Variants in MRPL15 observed in about 807,000 individuals in gnomAD.
MRPL15 encodes the protein mitochondrial ribosomal protein L15, also known as large ribosomal subunit protein uL15m.
A neutral mutation model predicts 28.0 loss-of-function variants in MRPL15; 24 were observed. The observed-to-expected ratio is 0.86, with a 90% CI of 0.62 to 1.21. The LOEUF (loss-of-function observed/expected upper bound fraction) is 1.21, where lower values mean the gene tolerates loss of function less well. Among genes scored for constraint, MRPL15 ranks in the 50% most tolerant of loss-of-function variants. The probability of loss-of-function intolerance (pLI) is 0.00; values close to 1 mark genes in which losing one functional copy is unlikely to be tolerated. For missense variants in MRPL15, 343 were observed against 372.4 expected, an observed-to-expected ratio of 0.92 and a Z score of 0.65; for synonymous variants, 124 against 137.0, an observed-to-expected ratio of 0.90 and a Z score of 0.66.
At chr8:54,142,126 G>A (rs940190943) in intron 3 of MRPL15, among the ~76,000 whole-genome samples, 1 of 151,808 alleles carries the variant, frequency 6.6e-6, no homozygotes, top group African/African-American at 2.4e-5. Context: ...TGGGATTACA[G>A]GCATGAGCCA....
intron 4 of MRPL15, among the ~76,000 whole-genome samples, chr8:54,143,185 A>T (rs1172670467): frequency 6.6e-6 from 1 of 151,790 alleles, no homozygotes; most frequent in African/African-American, 2.4e-5. Context: ...GGTTCAAGCG[A>T]TTCTCCTGTC....
In MRPL15 at chr8:54,147,501, G is replaced by C; in HGVS notation, c.673G>C (p.Asp225His). The C allele has an allele frequency of 6.2e-7, 1 of 1,614,158 alleles. No individual in the cohort carries two copies. Among genetic ancestry groups the C allele is most frequent in the Non-Finnish European group, 8.5e-7 (1 of 1,180,030 alleles). ...TGCAAAGAACCGTGGGTACCTGGCGGATCCTGCCAAATTTCCTGAAGCACG... is the reference window on the plus strand; with the variant it reads ...TGCAAAGAACCGTGGGTACCTGGCGCATCCTGCCAAATTTCCTGAAGCACG... Reference protein sequence around the residue: ...TDAKNRGYLADPAKFPEARLE... With the variant: ...TDAKNRGYLAHPAKFPEARLE... Residue 225 changes from aspartate to histidine, a missense_variant, in exon 5 of 5, where the codon GAT (aspartate) becomes CAT (histidine). Asp to His is a moderately conservative substitution (Grantham distance 81). Transcript: ENST00000260102.
chr8:54,141,108 G>C lies in MRPL15; in HGVS notation c.430-1555G>C, dbSNP rs1398639047. 3.9e-5 allele frequency among the ~76,000 whole-genome samples: 6 copies of C among 152,100 alleles called. No individual in the cohort carries two copies. In the East Asian group the frequency reaches 1.2e-3, roughly 29 times the overall value. ...CTGTTTAACCTCCTGCTGGCCTCTT[G>C]CTTACTTAGGGATAAGGAAGATTAG... On this transcript the variant is annotated intron_variant, in intron 3 of 4. Transcript: ENST00000260102.
intron 4 of MRPL15, among the ~76,000 whole-genome samples, chr8:54,144,243 C>T (rs1041608573): frequency 6.6e-6 from 1 of 152,194 alleles, no homozygotes; most frequent in African/African-American, 2.4e-5. Flanking sequence ...TTTCAAGTTG[C>T]AGAGATGACA....
chr8:54,136,785 C>T, intron 2 of MRPL15, 120 bp downstream of exon 2: 1 of 1,247,680 alleles, frequency 8.0e-7, no homozygotes, highest in Non-Finnish European at 1.1e-6. Flanking sequence ...ACTTTTGCTA[C>T]TGTTCCCCTG....
In MRPL15 at chr8:54,137,252, C is replaced by A; in HGVS notation, c.264-16C>A. On this transcript the variant is annotated splice_polypyrimidine_tract_variant and intron_variant, in intron 2 of 4. Coordinates refer to ENST00000260102, the MANE Select transcript of MRPL15 (RefSeq NM_014175.4). ...GAAGATGAGAGTTTTCCAACTCTTACATTCTTGTTTTACAGTTTCAGACGC... is the reference window on the plus strand; with the variant it reads ...GAAGATGAGAGTTTTCCAACTCTTAAATTCTTGTTTTACAGTTTCAGACGC... 3 of 1,605,252 alleles carry A rather than the reference C, an allele frequency of 1.9e-6. No individual in the cohort carries two copies. Among genetic ancestry groups the A allele is most frequent in the Non-Finnish European group, 2.6e-6 (3 of 1,175,650 alleles).
intron 3 of MRPL15, among the ~76,000 whole-genome samples, chr8:54,141,411 T>C (rs775987586): frequency 3.3e-5 from 5 of 152,216 alleles, no homozygotes; most frequent in Admixed American, 6.5e-5. Flanking sequence ...AAGGTTGTTA[T>C]GAGGATTAAG....
At position 54,142,364 on chromosome 8, in the gene MRPL15, C is replaced by T. The variant is rs111636282; in HGVS notation, c.430-299C>T. On this transcript the variant is annotated intron_variant, in intron 3 of 4. Transcript: ENST00000260102. Reference sequence around the variant, plus strand: ...AGAGATGGGGTTTCTCCATGTTGGGCAGGCTGGTCTTGAACTCCTGACCTC... The same window carrying T: ...AGAGATGGGGTTTCTCCATGTTGGGTAGGCTGGTCTTGAACTCCTGACCTC... Among the ~76,000 whole-genome samples the T allele has an allele frequency of 3.7e-4, 57 of 152,162 alleles. 1 individual carries two copies. The highest frequency in any genetic ancestry group is 1.3e-3 in the African/African-American group (54 of 41,502).
At chr8:54,135,485 GGA>G in intron 1 of MRPL15, 94 bp downstream of exon 1, 1 of 1,039,996 alleles carries the variant, frequency 9.6e-7, no homozygotes, top group Non-Finnish European at 1.4e-6. Context: ...GCCCTTTCTA[GGA>G]GAGTGTTGGG....
chr8:54,137,456 G>T (rs771878847), intron 3 of MRPL15, 23 bp downstream of exon 3: 1 of 1,609,648 alleles, frequency 6.2e-7, no homozygotes, highest in East Asian at 2.2e-5. Flanking sequence ...TAGATCTTTT[G>T]GTGTTATATA....
rs758387588 is a variant in MRPL15, at chr8:54,142,684, A to G, written c.451A>G (p.Lys151Glu). The G allele has an allele frequency of 1.9e-6, 3 of 1,613,918 alleles. No homozygotes were observed. Among genetic ancestry groups the G allele is most frequent in the South Asian group, 2.2e-5 (2 of 90,966 alleles). ...VEEGADTFTA[K>E]VNIEVQLASE... ...TCAGGGTGCTGACACCTTTACGGCA[A>G]AAGTTAATATTGAAGTACAGTTGGC... is the stretch of plus-strand genomic sequence containing the variant. The change falls in exon 4 of 5, where the codon AAA (lysine) becomes GAA (glutamate). Residue 151 changes from lysine (K) to glutamate (E), a missense_variant. Coordinates refer to ENST00000260102, the MANE Select transcript of MRPL15 (RefSeq NM_014175.4).
chr8:54,147,381 G>T lies in MRPL15; in HGVS notation c.554-1G>T. 1 of 1,591,216 alleles carries T rather than the reference G, an allele frequency of 6.3e-7. No individual in the cohort carries two copies. Among genetic ancestry groups the T allele is most frequent in the Non-Finnish European group, 8.6e-7 (1 of 1,169,392 alleles). ...CTTTTTAAATTTAAATTTTCTTTTA[G>T]ACATTGTATGCAAACCTGTTCCATT... On this transcript the variant is annotated splice_acceptor_variant, in intron 4 of 4. Transcript: ENST00000260102. LOFTEE classifies it high-confidence loss of function.
intron 1 of MRPL15, among the ~76,000 whole-genome samples, chr8:54,135,921 G>A (rs1365208735): frequency 6.6e-6 from 1 of 152,168 alleles, no homozygotes; most frequent in Non-Finnish European, 1.5e-5. Context: ...ATTCAAAATT[G>A]GATTTAAAAT....
chr8:54,141,340 A>G (rs1481335740), intron 3 of MRPL15, among the ~76,000 whole-genome samples: 1 of 151,962 alleles, frequency 6.6e-6, no homozygotes, highest in Non-Finnish European at 1.5e-5. Flanking sequence ...TGAAGTCGGT[A>G]TTTCCATCTA....
At chr8:54,138,015 C>A (rs941359324) in intron 3 of MRPL15, among the ~76,000 whole-genome samples, 3 of 151,768 alleles carry the variant, frequency 2.0e-5, no homozygotes, top group African/African-American at 7.3e-5. Context: ...AGTGCAGTGG[C>A]ACGATCTCGG....
At chr8:54,137,524 C>T (rs1478885820) in intron 3 of MRPL15, 91 bp downstream of exon 3, 21 of 1,235,406 alleles carry the variant, frequency 1.7e-5, no homozygotes, top group East Asian at 9.7e-5. Flanking sequence ...AGTACAGTGG[C>T]GCAATCTCGG....
At chr8:54,145,597 C>T (rs1811030924) in intron 4 of MRPL15, among the ~76,000 whole-genome samples, 1 of 151,962 alleles carries the variant, frequency 6.6e-6, no homozygotes, top group Admixed American at 6.6e-5. Context: ...CCTAGGCCCC[C>T]TGAGTAACTG....
At chr8:54,135,448 C>A (rs962425302) in intron 1 of MRPL15, 57 bp downstream of exon 1, 1 of 1,412,190 alleles carries the variant, frequency 7.1e-7, no homozygotes, top group South Asian at 1.3e-5. Flanking sequence ...TGAAAGCGGC[C>A]CTTCTCTCCC....
At chr8:54,141,106 T>C (rs926133580) in intron 3 of MRPL15, among the ~76,000 whole-genome samples, 15 of 152,224 alleles carry the variant, frequency 9.9e-5, no homozygotes, top group Non-Finnish European at 1.9e-4. Context: ...TGCTGGCCTC[T>C]TGCTTACTTA....
Sources: gnomAD v4.1 joint callset for allele counts (sites outside exome capture counted in the v4.1 genomes callset) on GRCh38, gnomAD v4.1.1 for gene constraint, MANE v1.5 for transcripts, NCBI Gene and HGNC (gene_info 2026-07-23, HGNC 2026-07-21) for gene names.